Variants in THSD7B observed in about 807,000 individuals in gnomAD.
THSD7B encodes thrombospondin type 1 domain containing 7B.
In THSD7B, 138 loss-of-function variants were observed where a neutral mutation model predicts 213.6. That is an observed-to-expected ratio of 0.65 (90% CI 0.56 to 0.74). The LOEUF (loss-of-function observed/expected upper bound fraction) is 0.74. THSD7B is among the 30% of genes least tolerant of loss of function. The probability of loss-of-function intolerance (pLI) is 0.00; values close to 1 mark genes in which losing one functional copy is unlikely to be tolerated. For synonymous variants in THSD7B, 742 were observed against 687.0 expected (o/e 1.08, Z -1.25); for missense variants, 1,931 against 1,991.5 (o/e 0.97, Z 0.58).
chr2:137,372,688 T>C (rs1461429816), intron 12 of THSD7B, among the ~76,000 whole-genome samples: 1 of 151,948 alleles, frequency 6.6e-6, no homozygotes, highest in Non-Finnish European at 1.5e-5. Context: ...GGGTTCTTTT[T>C]ATTTTATTTT....
intron 7 of THSD7B, among the ~76,000 whole-genome samples, chr2:137,204,825 AG>A (rs1363805577): frequency 1.3e-5 from 1 of 76,424 alleles, no homozygotes; most frequent in Non-Finnish European, 3.4e-5. Flanking sequence ...AATTTCATCC[AG>A]AACTCAGATT....
intron 15 of THSD7B, among the ~76,000 whole-genome samples, chr2:137,452,888 T>C (rs976520893): frequency 1.3e-5 from 2 of 152,310 alleles, no homozygotes; most frequent in African/African-American, 4.8e-5. Flanking sequence ...CTTGGGAAGT[T>C]GTACAAACTA....
At chr2:137,497,659 C>A (rs1453014795) in intron 15 of THSD7B, among the ~76,000 whole-genome samples, 1 of 151,990 alleles carries the variant, frequency 6.6e-6, no homozygotes, top group Non-Finnish European at 1.5e-5. Flanking sequence ...AGAATTTCCT[C>A]TCGCATATGG....
At chr2:137,266,733 A>G (rs1170632157) in intron 10 of THSD7B, among the ~76,000 whole-genome samples, 1 of 152,116 alleles carries the variant, frequency 6.6e-6, no homozygotes, top group Admixed American at 6.6e-5. Flanking sequence ...CTCTGCACCT[A>G]TGCTTGCCTC....
At chr2:137,408,737 G>T (rs1166086074) in intron 13 of THSD7B, among the ~76,000 whole-genome samples, 1 of 152,118 alleles carries the variant, frequency 6.6e-6, no homozygotes, top group Non-Finnish European at 1.5e-5. Flanking sequence ...TCATTTTCAA[G>T]CTTGTAGATG....
At chr2:137,416,272 A>G (rs1241043988) in intron 14 of THSD7B, among the ~76,000 whole-genome samples, 8 of 152,148 alleles carry the variant, frequency 5.3e-5, no homozygotes, top group Admixed American at 4.6e-4. Context: ...GCCTGCTTGC[A>G]GTCTTTCCTG....
chr2:137,080,577 T>C (rs1687728159), intron 3 of THSD7B, among the ~76,000 whole-genome samples: 1 of 152,020 alleles, frequency 6.6e-6, no homozygotes, highest in African/African-American at 2.4e-5. Context: ...GTATTTAACT[T>C]TGTGTAGTGC....
At chr2:137,127,551 C>T (rs1376371318) in intron 5 of THSD7B, among the ~76,000 whole-genome samples, 4 of 152,182 alleles carry the variant, frequency 2.6e-5, no homozygotes, top group African/African-American at 9.7e-5. Flanking sequence ...TAACCTTCTG[C>T]TGGTGGGCTA....
At chr2:137,560,038 G>A (rs543832856) in intron 15 of THSD7B, among the ~76,000 whole-genome samples, 130 of 143,688 alleles carry the variant, frequency 9.0e-4, no homozygotes, top group Admixed American at 1.5e-3. Flanking sequence ...TTAGAATGGC[G>A]ATCATTAAAA....
At chr2:137,136,839 G>C (rs372547694) in intron 5 of THSD7B, among the ~76,000 whole-genome samples, 1 of 152,072 alleles carries the variant, frequency 6.6e-6, no homozygotes, top group East Asian at 1.9e-4. Context: ...CATTTTTTAT[G>C]TTGAAAATAC....
At chr2:137,386,908 A>T (rs1409175221) in intron 12 of THSD7B, among the ~76,000 whole-genome samples, 3 of 152,208 alleles carry the variant, frequency 2.0e-5, no homozygotes, top group Non-Finnish European at 4.4e-5. Context: ...ACTATGAGAC[A>T]CACTGAGAAT....
rs532430574 is a variant in THSD7B, at chr2:137,157,754, G to A, written c.1370-2459G>A. On this transcript the variant is annotated intron_variant, in intron 5 of 27. Transcript: ENST00000409968. ...CCTCAGTTTCCTTATTTTAAAACTA[G>A]AGAGAATAATAACAACATATATCTC... Among the ~76,000 whole-genome samples, 9 of 152,324 alleles carry A rather than the reference G, an allele frequency of 5.9e-5. No individual in the cohort carries two copies. The East Asian group carries it at 1.7e-3, about 29-fold the overall frequency.
rs1004031887 is a variant in THSD7B, at chr2:137,392,397, T to C, written c.2501-13216T>C. Among the ~76,000 whole-genome samples, 5 of 152,326 alleles carry C rather than the reference T, an allele frequency of 3.3e-5. No homozygotes were observed. In the East Asian group the frequency reaches 9.6e-4, roughly 29 times the overall value. On this transcript the variant is annotated intron_variant, in intron 12 of 27. Coordinates refer to ENST00000409968, the MANE Select transcript of THSD7B (RefSeq NM_001316349.2). ...TGCTGTCTCTTTCTTTCTGGAGTTC[T>C]AGTAATATTTATTTTATGAATCTGG...
At chr2:137,589,817 T>C (rs1287190805) in intron 17 of THSD7B, among the ~76,000 whole-genome samples, 1 of 152,212 alleles carries the variant, frequency 6.6e-6, no homozygotes, top group Non-Finnish European at 1.5e-5. Flanking sequence ...ATATACTGGT[T>C]ATTGGACATC....
At chr2:137,139,171 G>A (rs1333997511) in intron 5 of THSD7B, among the ~76,000 whole-genome samples, 1 of 152,096 alleles carries the variant, frequency 6.6e-6, no homozygotes. Context: ...TATTTGATGA[G>A]TGTTAACTGC....
chr2:136,818,679 T>A (rs149173539), intron 1 of THSD7B, among the ~76,000 whole-genome samples: 7 of 152,290 alleles, frequency 4.6e-5, no homozygotes, highest in African/African-American at 1.4e-4. Flanking sequence ...AAAACAGAAT[T>A]TATGTTTTAA....
intron 7 of THSD7B, among the ~76,000 whole-genome samples, chr2:137,195,141 A>G (rs1680731792): frequency 6.6e-6 from 1 of 151,936 alleles, no homozygotes; most frequent in Non-Finnish European, 1.5e-5. Context: ...TGTATTCACA[A>G]CTTTTTGGTA....
In THSD7B at chr2:137,660,166, CTG is replaced by C. The variant is rs76090722; in HGVS notation, c.4458+421_4458+422del. ...ACATTTTTAGTTTATTTTAAATAAA[CTG>C]AATATGTGACTATGGTTGAAAAAAA... On this transcript the variant is annotated intron_variant, in intron 25 of 27. Transcript: ENST00000409968. Among the ~76,000 whole-genome samples the C allele has an allele frequency of 9.2e-5, 14 of 151,650 alleles. No individual in the cohort carries two copies. The East Asian group carries it at 2.7e-3, about 29-fold the overall frequency.
In THSD7B at chr2:137,588,679, C is replaced by T. The variant is rs182009705; in HGVS notation, c.3423+16123C>T. Among the ~76,000 whole-genome samples the T allele has an allele frequency of 5.9e-5, 9 of 151,884 alleles. No individual in the cohort carries two copies. In the East Asian group the frequency reaches 1.5e-3, roughly 26 times the overall value. ...ATCTGTGATTACCATCTTTTTATTA[C>T]TTTTTATCACATAATAATGTGTATG... On this transcript the variant is annotated intron_variant, in intron 17 of 27. Transcript: ENST00000409968.
Sources: gnomAD v4.1 joint callset for allele counts (sites outside exome capture counted in the v4.1 genomes callset) on GRCh38, gnomAD v4.1.1 for gene constraint, MANE v1.5 for transcripts, NCBI Gene and HGNC (gene_info 2026-07-23, HGNC 2026-07-21) for gene names.